ELOA2: variants seen among roughly 807,000 people sequenced by gnomAD.
The protein encoded by ELOA2 is elongin-A2.
For missense variants in ELOA2, 1,271 were observed against 979.7 expected, an observed-to-expected ratio of 1.30 and a Z score of -3.97; for synonymous variants, 497 against 398.8, an observed-to-expected ratio of 1.25 and a Z score of -2.94.
chr18:47,032,695 C>A lies in ELOA2; in HGVS notation c.*308G>T. The stretch of plus-strand genomic sequence containing the variant: ...AAAAGAAAGGAAAAAGGAAATCTCA[C>A]ATCTTTTTCCTTATTTATGATTACA... On this transcript the variant is annotated 3_prime_UTR_variant, in exon 1 of 1. Transcript: ENST00000332567. 4.6e-6 allele frequency: 2 copies of A among 431,540 alleles called. No individual in the cohort carries two copies. The highest frequency in any genetic ancestry group is 8.1e-6 in the Non-Finnish European group (2 of 246,478). The allele number at this position is 431,540 out of a possible 1,614,324, so 26.7% of individuals were successfully genotyped here.
At position 47,033,055 on chromosome 18, in the gene ELOA2, G is replaced by C; in HGVS notation, c.2210C>G (p.Pro737Arg). The C allele has an allele frequency of 1.2e-6, 2 of 1,614,124 alleles. No individual in the cohort carries two copies. The highest frequency in any genetic ancestry group is 1.7e-6 in the Non-Finnish European group (2 of 1,180,050). Reference sequence around the variant, plus strand: ...GTCTCGAATTGCCTTGGCCATCAGCGGGGCCACTTTCTTGGCAGCCTGTTT... The same window carrying C: ...GTCTCGAATTGCCTTGGCCATCAGCCGGGCCACTTTCTTGGCAGCCTGTTT... ...TRKQAAKKVA[P>R]LMAKAIRDYK... Residue 737 changes from proline to arginine, a missense_variant, in exon 1 of 1, where the codon CCG (proline) becomes CGG (arginine). Physicochemically the swap from Pro to Arg is moderately radical, Grantham distance 103. Transcript: ENST00000332567.
Position 47,032,929 on chromosome 18 carries a change from T to G in ELOA2, c.*74A>C. ...AAGGTTCTGGTGTCCATTGGAAGTT[T>G]CGTTCCCCAACCCGCATTGACTTTG... On this transcript the variant is annotated 3_prime_UTR_variant, in exon 1 of 1. Coordinates refer to ENST00000332567, the MANE Select transcript of ELOA2 (RefSeq NM_016427.3). 1 of 1,610,406 alleles carries G rather than the reference T, an allele frequency of 6.2e-7. No individual in the cohort carries two copies. The highest frequency in any genetic ancestry group is 2.2e-5 in the East Asian group (1 of 44,860).
In ELOA2 at chr18:47,033,977, A is replaced by T. The variant is rs749629441; in HGVS notation, c.1288T>A (p.Leu430Met). ...GACTGGCTTTCCTGGACAGGAGGCAATTTCTTAGCCGAATCCCAGGACTCA... is the reference window on the plus strand; with the variant it reads ...GACTGGCTTTCCTGGACAGGAGGCATTTTCTTAGCCGAATCCCAGGACTCA... ...TRESWDSAKK[L>M]PPVQESQSER... Residue 430 changes from leucine to methionine, a missense_variant, in exon 1 of 1, where the codon TTG becomes ATG. Coordinates refer to ENST00000332567, the MANE Select transcript of ELOA2 (RefSeq NM_016427.3). 6.2e-7 allele frequency: 1 copy of T among 1,613,412 alleles called. No homozygotes were observed. The highest frequency in any genetic ancestry group is 8.5e-7 in the Non-Finnish European group (1 of 1,180,018).
Position 47,033,196 on chromosome 18 carries a change from C to G in ELOA2, c.2069G>C (p.Ser690Thr). 6.2e-7 allele frequency: 1 copy of G among 1,614,130 alleles called. No individual in the cohort carries two copies. The highest frequency in any genetic ancestry group is 2.2e-5 in the East Asian group (1 of 44,882). The change falls in exon 1 of 1, where the codon AGC becomes ACC. Residue 690 changes from serine (S) to threonine (T), a missense_variant. By Grantham distance (58) the Ser-to-Thr change is moderately conservative. Coordinates refer to ENST00000332567, the MANE Select transcript of ELOA2 (RefSeq NM_016427.3). ...GCTGCTGTCTCTGCCACCGCCGCTG[C>G]TGCTCTGGCTGGAGGGAGTGTGGCT... Reference protein sequence around the residue: ...GSSHTPSSQSSSGGGRDSSSS... With the variant: ...GSSHTPSSQSTSGGGRDSSSS...
Position 47,034,452 on chromosome 18 carries a change from G to A in ELOA2, c.813C>T (p.Ala271=), listed in dbSNP as rs147087992. The A allele has an allele frequency of 6.2e-7, 1 of 1,614,188 alleles. No homozygotes were observed. Among genetic ancestry groups the A allele is most frequent in the East Asian group, 2.2e-5 (1 of 44,874 alleles). Residue 271 remains alanine (A), a synonymous_variant, in exon 1 of 1, where the codon GCC becomes GCT. Transcript: ENST00000332567. ...TGAAGTCCGAAGGCTGCCTGTCCCT[G>A]GCACTTGCCCAGGAGGGCATCCTTG... ...ETPRMPSWAS[A]RDRQPSDFKT...
chr18:47,034,234 C>T lies in ELOA2; in HGVS notation c.1031G>A (p.Arg344Gln). The change falls in exon 1 of 1, where the codon CGA becomes CAA. Residue 344 changes from arginine to glutamine, a missense_variant. Physicochemically the swap from Arg to Gln is conservative, Grantham distance 43 (BLOSUM62 1). Transcript: ENST00000332567. ...PEEKEQLSND[R>Q]ETQEGKPPTA... Reference sequence around the variant, plus strand: ...CGGTGGCTTCCCCTCTTGAGTCTCTCGGTCGTTGGAAAGCTGCTCTTTCTC... The same window carrying T: ...CGGTGGCTTCCCCTCTTGAGTCTCTTGGTCGTTGGAAAGCTGCTCTTTCTC... The T allele has an allele frequency of 1.9e-6, 3 of 1,613,922 alleles. No individual in the cohort carries two copies. Among genetic ancestry groups the T allele is most frequent in the Non-Finnish European group, 2.5e-6 (3 of 1,179,796 alleles).
Position 47,033,487 on chromosome 18 carries a change from A to G in ELOA2, c.1778T>C (p.Phe593Ser), listed in dbSNP as rs1442514078. The part of the protein sequence containing the change: ...ELRRNHCFQD[F>S]KEEKPQENKT... Reference sequence around the variant, plus strand: ...GTTTTCCTGTGGCTTTTCTTCCTTGAAGTCCTGGAAACAATGATTCCTCCG... The same window carrying G: ...GTTTTCCTGTGGCTTTTCTTCCTTGGAGTCCTGGAAACAATGATTCCTCCG... Residue 593 changes from phenylalanine (F) to serine (S), a missense_variant, in exon 1 of 1, where the codon TTC becomes TCC. Coordinates refer to ENST00000332567, the MANE Select transcript of ELOA2 (RefSeq NM_016427.3). The G allele has an allele frequency of 1.7e-5, 27 of 1,614,036 alleles. No homozygotes were observed. Among genetic ancestry groups the G allele is most frequent in the Non-Finnish European group, 2.2e-5 (26 of 1,180,002 alleles).
Position 47,033,535 on chromosome 18 carries a change from A to G in ELOA2, c.1730T>C (p.Leu577Pro), listed in dbSNP as rs999934305. 1.2e-6 allele frequency: 2 copies of G among 1,613,992 alleles called. No individual in the cohort carries two copies. Among genetic ancestry groups the G allele is most frequent in the Non-Finnish European group, 1.7e-6 (2 of 1,180,028 alleles). The change falls in exon 1 of 1, where the codon CTC becomes CCC. Residue 577 changes from leucine (L) to proline (P), a missense_variant. Leu to Pro is a moderately conservative substitution (Grantham distance 98). Coordinates refer to ENST00000332567, the MANE Select transcript of ELOA2 (RefSeq NM_016427.3). ...LYRRKKDNHA[L>P]VRETDELRRN... ...CCGTAATTCGTCTGTCTCTCTAACG[A>G]GTGCGTGATTGTCTTTCTTTCTGCG...
rs1391731269 is a variant in ELOA2, at chr18:47,034,118, A to G, written c.1147T>C (p.Cys383Arg). ...AEEFEQPTLS[C>R]EKYLTYDQLR... ...TGATCGTAGGTGAGGTATTTTTCAC[A>G]TGACAGAGTGGGCTGCTCGAATTCC... Residue 383 changes from cysteine to arginine, a missense_variant, in exon 1 of 1, where the codon TGT becomes CGT. Coordinates refer to ENST00000332567, the MANE Select transcript of ELOA2 (RefSeq NM_016427.3). 2.5e-6 allele frequency: 4 copies of G among 1,614,174 alleles called. No individual in the cohort carries two copies. The highest frequency in any genetic ancestry group is 1.7e-6 in the Non-Finnish European group (2 of 1,180,030).
Position 47,034,499 on chromosome 18 carries a change from C to T in ELOA2, c.766G>A (p.Ala256Thr). The T allele has an allele frequency of 1.9e-6, 3 of 1,614,182 alleles. No individual in the cohort carries two copies. The highest frequency in any genetic ancestry group is 2.5e-6 in the Non-Finnish European group (3 of 1,180,028). Reference sequence around the variant, plus strand: ...CTTGGGGTTTCCTCTCTTAAGCAGGCCCCGCATGATTTCTCCCTGATCAAA... The same window carrying T: ...CTTGGGGTTTCCTCTCTTAAGCAGGTCCCGCATGATTTCTCCCTGATCAAA... ...PTLIREKSCGACLREETPRMP... is the reference protein window; with the variant it reads ...PTLIREKSCGTCLREETPRMP... Residue 256 changes from alanine (A) to threonine (T), a missense_variant, in exon 1 of 1, where the codon GCC becomes ACC. By Grantham distance (58) the Ala-to-Thr change is moderately conservative (BLOSUM62 0). Coordinates refer to ENST00000332567, the MANE Select transcript of ELOA2 (RefSeq NM_016427.3).
In ELOA2 at chr18:47,034,896, A is replaced by G; in HGVS notation, c.369T>C (p.Ser123=). 1 of 1,611,882 alleles carries G rather than the reference A, an allele frequency of 6.2e-7. No homozygotes were observed. Among genetic ancestry groups the G allele is most frequent in the Non-Finnish European group, 8.5e-7 (1 of 1,179,872 alleles). ...PENATAPRSP[S]HSPEHRRTAR... ...CTGTCCGTCTGTGCTCAGGGCTGTG[A>G]GATGGGCTCCTGGGGGCCGTCGCGT... Residue 123 remains serine (S), a synonymous_variant, in exon 1 of 1, where the codon TCT becomes TCC. Transcript: ENST00000332567.
Position 47,033,894 on chromosome 18 carries a change from A to C in ELOA2, c.1371T>G (p.His457Gln). The C allele has an allele frequency of 6.2e-7, 1 of 1,613,534 alleles. No homozygotes were observed. The highest frequency in any genetic ancestry group is 8.5e-7 in the Non-Finnish European group (1 of 1,180,024). ...AGAGGTCCCAGAGCTCTGAGAAGAC[A>C]TGGCTGGGCACCGTTTTCGGCCCGG... ...DSAGPKTVPS[H>Q]VFSELWDLSE... Residue 457 changes from histidine to glutamine, a missense_variant, in exon 1 of 1, where the codon CAT becomes CAG. Transcript: ENST00000332567.
chr18:47,033,376 C>G lies in ELOA2; in HGVS notation c.1889G>C (p.Arg630Pro). 2 of 1,614,194 alleles carry G rather than the reference C, an allele frequency of 1.2e-6. No homozygotes were observed. Among genetic ancestry groups the G allele is most frequent in the Non-Finnish European group, 1.7e-6 (2 of 1,180,034 alleles). The part of the protein sequence containing the change: ...RVMTTNIRSA[R>P]GNNPNGREAK... ...CTCTCTGCCGTTGGGGTTGTTTCCA[C>G]GTGCAGATCGGATATTCGTTGTCAT... is the stretch of plus-strand genomic sequence containing the variant. The change falls in exon 1 of 1, where the codon CGT becomes CCT. Residue 630 changes from arginine to proline, a missense_variant. Physicochemically the swap from Arg to Pro is moderately radical, Grantham distance 103. Transcript: ENST00000332567.
rs371830698 is a variant in ELOA2 at position 47,035,489 on chromosome 18, C to T, written c.-225G>A. 8.6e-6 allele frequency: 8 copies of T among 925,568 alleles called. No individual in the cohort carries two copies. In the East Asian group the frequency reaches 1.1e-4, roughly 12 times the overall value. 57.3% of individuals were successfully genotyped at this position (925,568 alleles called of 1,614,324 possible). A position where few individuals can be genotyped will look rare whatever the true frequency, so the allele number is the denominator to read the frequency against. The stretch of plus-strand genomic sequence containing the variant: ...GCTGAGCAGGCCCGCTTTTGTTCCT[C>T]GGGATGTGGAGCCACAGCCTGGAGT... On this transcript the variant is annotated 5_prime_UTR_variant, in exon 1 of 1. Coordinates refer to ENST00000332567, the MANE Select transcript of ELOA2 (RefSeq NM_016427.3).
Position 47,033,131 on chromosome 18 carries a change from G to T in ELOA2, c.2134C>A (p.Pro712Thr), listed in dbSNP as rs369081623. Residue 712 changes from proline (P) to threonine (T), a missense_variant, in exon 1 of 1, where the codon CCC becomes ACC. Physicochemically the swap from Pro to Thr is conservative, Grantham distance 38 (BLOSUM62 -1). Transcript: ENST00000332567. ...LRWLPEKRAN[P>T]CLSSSNEHAA... ...TGCTCATTGCTGCTGCTCAGGCAGG[G>T]GTTGGCCCGCTTCTCAGGGAGCCAG... The T allele has an allele frequency of 8.1e-6, 13 of 1,613,994 alleles. No individual in the cohort carries two copies. The South Asian group carries it at 9.9e-5, about 12-fold the overall frequency.
chr18:47,033,726 C>T lies in ELOA2; in HGVS notation c.1539G>A (p.Pro513=), dbSNP rs1364190475. The change falls in exon 1 of 1, where the codon CCG becomes CCA. Residue 513 remains proline (P), a synonymous_variant. Transcript: ENST00000332567. Reference sequence around the variant, plus strand: ...AGGCAGGCCTGGAGCCCGAGTACACCGGCATCTTAGCATTCACTCTGCGTC... The same window carrying T: ...AGGCAGGCCTGGAGCCCGAGTACACTGGCATCTTAGCATTCACTCTGCGTC... ...FPGRRVNAKM[P]VYSGSRPACQ... is the part of the protein sequence containing the mutation. The T allele has an allele frequency of 1.2e-6, 2 of 1,614,054 alleles. No homozygotes were observed. Among genetic ancestry groups the T allele is most frequent in the African/African-American group, 1.3e-5 (1 of 74,920 alleles).
chr18:47,034,235 G>A, the ELOA2 span: 1 of 1,613,916 alleles, frequency 6.2e-7, no homozygotes, highest in Non-Finnish European at 8.5e-7. Flanking sequence ...TGAGTCTCTC[G>A]GTCGTTGGAA....
In ELOA2 at chr18:47,033,510, CCGTAAT is replaced by C; in HGVS notation, c.1749_1754del (p.Leu584_Arg585del). On this transcript the variant is annotated inframe_deletion, in exon 1 of 1. Coordinates refer to ENST00000332567, the MANE Select transcript of ELOA2 (RefSeq NM_016427.3). ...TGAAGTCCTGGAAACAATGATTCCT[CCGTAAT>C]TCGTCTGTCTCTCTAACGAGTGCGT... is the stretch of plus-strand genomic sequence containing the variant. The C allele has an allele frequency of 6.2e-7, 1 of 1,614,162 alleles. No homozygotes were observed. Among genetic ancestry groups the C allele is most frequent in the Non-Finnish European group, 8.5e-7 (1 of 1,180,040 alleles).
chr18:47,032,705 C>G lies in ELOA2; in HGVS notation c.*298G>C. The G allele has an allele frequency of 2.1e-6, 1 of 465,954 alleles. No individual in the cohort carries two copies. Among genetic ancestry groups the G allele is most frequent in the Non-Finnish European group, 3.7e-6 (1 of 268,104 alleles). 28.9% of individuals were successfully genotyped at this position (465,954 alleles called of 1,614,324 possible). A position where few individuals can be genotyped will look rare whatever the true frequency, so the allele number is the denominator to read the frequency against. Reference sequence around the variant, plus strand: ...AAAAAGGAAATCTCACATCTTTTTCCTTATTTATGATTACAACTAGGGTGT... The same window carrying G: ...AAAAAGGAAATCTCACATCTTTTTCGTTATTTATGATTACAACTAGGGTGT... On this transcript the variant is annotated 3_prime_UTR_variant, in exon 1 of 1. Coordinates refer to ENST00000332567, the MANE Select transcript of ELOA2 (RefSeq NM_016427.3).
Sources: allele counts gnomAD v4.1 joint callset, GRCh38; gene constraint gnomAD v4.1.1; transcripts MANE v1.5; gene names NCBI Gene and HGNC (gene_info 2026-07-23, HGNC 2026-07-21).